Variants in YAP1 observed in about 807,000 individuals in gnomAD.
YAP1 encodes the protein Yes1 associated transcriptional regulator.
Under a neutral mutation model 56.9 loss-of-function variants are expected in YAP1, and 5 were observed. The observed-to-expected ratio is 0.09, with a 90% CI of 0.05 to 0.18. The LOEUF (loss-of-function observed/expected upper bound fraction) is 0.18. Ranked by LOEUF, YAP1 falls within the 10% of genes least tolerant of loss-of-function variation. The pLI is 1.00. For missense variants in YAP1, 539 were observed against 651.8 expected, an observed-to-expected ratio of 0.83 and a Z score of 1.88; for synonymous variants, 265 against 248.1, an observed-to-expected ratio of 1.07 and a Z score of -0.64.
Position 102,228,634 on chromosome 11 carries a change from CAAAAAAAAAAAAAAAAA to C in YAP1, c.1277-1057_1277-1041del, listed in dbSNP as rs71059544. Among the ~76,000 whole-genome samples the C allele has an allele frequency of 3.2e-4, 10 of 31,644 alleles. No individual in the cohort carries two copies. In the East Asian group the frequency reaches 8.2e-3, roughly 26 times the overall value. The allele number at this position is 31,644 out of a possible 152,430, so 20.8% of individuals were successfully genotyped here. Reference sequence around the variant, plus strand: ...TGGGTGACAGAGCAAGACTCCGTCTCAAAAAAAAAAAAAAAAAAAAAAAAAAAGAATAGTTGCAGGGG... The same window carrying C: ...TGGGTGACAGAGCAAGACTCCGTCTCAAAAAAAAAAGAATAGTTGCAGGGG... On this transcript the variant is annotated intron_variant, in intron 8 of 8. Transcript: ENST00000282441.
At chr11:102,205,586 GT>G (rs1159209379) in intron 4 of YAP1, among the ~76,000 whole-genome samples, 72 of 149,578 alleles carry the variant, frequency 4.8e-4, no homozygotes, top group African/African-American at 1.6e-3. Context: ...CCCCCACCCC[GT>G]TTTTTTTAAA....
At chr11:102,226,892 C>T (rs998137663) in intron 7 of YAP1, 1 of 152,218 alleles carries the variant, frequency 6.6e-6, no homozygotes, top group Non-Finnish European at 1.5e-5. Context: ...CAGTGACTCA[C>T]CTATTTTGGC....
rs1565214371 is a variant in YAP1, at chr11:102,160,386, G to A, written c.573-2070G>A. 2.6e-5 allele frequency among the ~76,000 whole-genome samples: 4 copies of A among 152,110 alleles called. No individual in the cohort carries two copies. In the South Asian group the frequency reaches 8.3e-4, roughly 32 times the overall value. ...GTGTAGAAATAGTAAGCATAATACC[G>A]CCATAACCAGTTTATCTCTTTACCA... On this transcript the variant is annotated intron_variant, in intron 2 of 8. Coordinates refer to ENST00000282441, the MANE Select transcript of YAP1 (RefSeq NM_001130145.3).
chr11:102,150,245 A>G (rs916668544), intron 2 of YAP1, among the ~76,000 whole-genome samples: 9 of 151,934 alleles, frequency 5.9e-5, no homozygotes, highest in Non-Finnish European at 1.0e-4. Flanking sequence ...CGGCTTCCCA[A>G]AGTGCTGGGA....
intron 3 of YAP1, among the ~76,000 whole-genome samples, chr11:102,183,579 G>A (rs1947757822): frequency 6.6e-6 from 1 of 152,122 alleles, no homozygotes; most frequent in African/African-American, 2.4e-5. Flanking sequence ...CAGACCCATC[G>A]GAGAGAATAT....
intron 2 of YAP1, among the ~76,000 whole-genome samples, chr11:102,133,825 C>T (rs1418137837): frequency 6.6e-6 from 1 of 152,110 alleles, no homozygotes; most frequent in Non-Finnish European, 1.5e-5. Context: ...ACGGAGTGGC[C>T]CAAACGAGAG....
intron 2 of YAP1, among the ~76,000 whole-genome samples, chr11:102,139,522 A>T (rs889184049): frequency 7.2e-5 from 11 of 152,190 alleles, no homozygotes; most frequent in African/African-American, 2.7e-4. Context: ...GGTTTCAGGC[A>T]TTCTAAACCC....
At chr11:102,196,238 A>G (rs1266410887) in intron 4 of YAP1, among the ~76,000 whole-genome samples, 1 of 152,132 alleles carries the variant, frequency 6.6e-6, no homozygotes, top group African/African-American at 2.4e-5. Flanking sequence ...GTGGGAACGT[A>G]TGTCTCCACA....
intron 2 of YAP1, among the ~76,000 whole-genome samples, chr11:102,120,469 T>A (rs1263563728): frequency 6.6e-6 from 1 of 152,260 alleles, no homozygotes; most frequent in Non-Finnish European, 1.5e-5. Flanking sequence ...TTGGGTTTTC[T>A]TCTACCAGAT....
intron 2 of YAP1, among the ~76,000 whole-genome samples, chr11:102,157,708 A>G (rs1432000835): frequency 6.6e-6 from 1 of 152,174 alleles, no homozygotes; most frequent in South Asian, 2.1e-4. Flanking sequence ...ACTTTTCTTC[A>G]GGGAAGTGGG....
intron 3 of YAP1, among the ~76,000 whole-genome samples, chr11:102,168,412 T>C (rs1180763652): frequency 2.0e-5 from 3 of 152,112 alleles, no homozygotes; most frequent in Non-Finnish European, 4.4e-5. Flanking sequence ...TTATCTGCTT[T>C]TGAGAAATGT....
At chr11:102,216,548 T>C (rs1363053173) in intron 6 of YAP1, among the ~76,000 whole-genome samples, 3 of 152,190 alleles carry the variant, frequency 2.0e-5, no homozygotes, top group Admixed American at 6.5e-5. Flanking sequence ...TATTTCATAA[T>C]TGGGTAAATC....
chr11:102,153,195 CT>C (rs140335579), intron 2 of YAP1, among the ~76,000 whole-genome samples: 27 of 152,264 alleles, frequency 1.8e-4, no homozygotes, highest in African/African-American at 6.5e-4. Flanking sequence ...TAGGCCTAGT[CT>C]TTGTTCCATC....
intron 2 of YAP1, among the ~76,000 whole-genome samples, chr11:102,160,393 C>T (rs1411264279): frequency 6.6e-6 from 1 of 152,162 alleles, no homozygotes; most frequent in Non-Finnish European, 1.5e-5. Context: ...ACCGCCATAA[C>T]CAGTTTATCT....
intron 2 of YAP1, among the ~76,000 whole-genome samples, chr11:102,134,646 C>T (rs556542326): frequency 2.0e-5 from 3 of 152,056 alleles, no homozygotes; most frequent in South Asian, 2.1e-4. Context: ...AAGTCTTCCA[C>T]GTACCTCTCA....
At chr11:102,209,658 T>C (rs949422156) in intron 6 of YAP1, 94 bp downstream of exon 6, 54 of 1,136,404 alleles carry the variant, frequency 4.8e-5, no homozygotes, top group Non-Finnish European at 6.6e-5. Flanking sequence ...CCTGTCCTTA[T>C]TGGACATTAG....
At chr11:102,197,145 A>G (rs2135555994) in intron 4 of YAP1, among the ~76,000 whole-genome samples, 1 of 152,300 alleles carries the variant, frequency 6.6e-6, no homozygotes, top group Non-Finnish European at 1.5e-5. Flanking sequence ...ACTGTTTTGT[A>G]GTTTTGAGTA....
At chr11:102,160,907 C>G (rs897781934) in intron 2 of YAP1, among the ~76,000 whole-genome samples, 2 of 152,096 alleles carry the variant, frequency 1.3e-5, no homozygotes, top group African/African-American at 2.4e-5. Context: ...ATCCCTTCCT[C>G]TTGAAAAAAC....
intron 6 of YAP1, among the ~76,000 whole-genome samples, chr11:102,211,754 A>G (rs1949413555): frequency 6.6e-6 from 1 of 151,556 alleles, no homozygotes; most frequent in Admixed American, 6.6e-5. Context: ...CCCAGGCTGG[A>G]GTGCAGTGGC....
Sources: allele counts gnomAD v4.1 joint callset (sites outside exome capture counted in the v4.1 genomes callset), GRCh38; gene constraint gnomAD v4.1.1; transcripts MANE v1.5; gene names NCBI Gene and HGNC (gene_info 2026-07-23, HGNC 2026-07-21).